Variants in NRG3 observed in about 807,000 individuals in gnomAD.
The protein encoded by NRG3 is neuregulin 3.
Under a neutral mutation model 66.9 loss-of-function variants are expected in NRG3, and 31 were observed. That is an observed-to-expected ratio of 0.46 (90% CI 0.35 to 0.63). The LOEUF is 0.63. NRG3 is among the 20% of genes least tolerant of loss of function. NRG3 has a pLI of 0.00. For synonymous variants in NRG3, 393 were observed against 359.4 expected (o/e 1.09, Z -1.06); for missense variants, 910 against 878.9 (o/e 1.04, Z -0.45).
chr10:82,368,252 C>A (rs1331998648), intron 2 of NRG3, among the ~76,000 whole-genome samples: 1 of 137,718 alleles, frequency 7.3e-6, no homozygotes, highest in Non-Finnish European at 1.5e-5. Context: ...GTACTTGTGT[C>A]AGAACTTCTT....
At chr10:82,892,705 A>G (rs1000141873) in intron 4 of NRG3, among the ~76,000 whole-genome samples, 2 of 150,618 alleles carry the variant, frequency 1.3e-5, no homozygotes, top group African/African-American at 4.9e-5. Flanking sequence ...ATAAATAAAT[A>G]AAAGTTAAAA....
At chr10:82,236,137 C>T (rs941963787) in intron 1 of NRG3, among the ~76,000 whole-genome samples, 9 of 151,532 alleles carry the variant, frequency 5.9e-5, no homozygotes, top group Non-Finnish European at 1.2e-4. Flanking sequence ...AATCCTAACT[C>T]TGTCATTTAT....
intron 1 of NRG3, among the ~76,000 whole-genome samples, chr10:82,073,317 A>G (rs2064910884): frequency 6.6e-6 from 1 of 152,170 alleles, no homozygotes; most frequent in East Asian, 1.9e-4. Context: ...GCAGCCAGAA[A>G]ATGACACAGC....
chr10:82,313,959 A>C (rs1402062948), intron 1 of NRG3, among the ~76,000 whole-genome samples: 1 of 152,172 alleles, frequency 6.6e-6, no homozygotes, highest in Non-Finnish European at 1.5e-5. Context: ...TCTTCTATTA[A>C]AAAAGAAGTG....
Position 82,021,310 on chromosome 10 carries a change from T to C in NRG3, c.823+145147T>C, listed in dbSNP as rs572354046. 2.2e-4 allele frequency among the ~76,000 whole-genome samples: 33 copies of C among 152,170 alleles called. No homozygotes were observed. The South Asian group carries it at 6.8e-3, about 32-fold the overall frequency. The stretch of plus-strand genomic sequence containing the variant: ...ACTCTATTGATTTTTAGGTACTTTT[T>C]ATCACATACTCCTACACTGCTGGAC... On this transcript the variant is annotated intron_variant, in intron 1 of 8. Coordinates refer to ENST00000372141, the MANE Select transcript of NRG3 (RefSeq NM_001010848.4).
At chr10:82,832,804 TTGTGTGTGTGTG>T (rs139438548) in intron 3 of NRG3, among the ~76,000 whole-genome samples, 235 of 148,008 alleles carry the variant, frequency 1.6e-3, no homozygotes, top group African/African-American at 5.5e-3. Context: ...ATGCATGTAA[TTGTGTGTGTGTG>T]TGTGTGTGTG....
At chr10:82,275,407 G>A (rs1589555485) in intron 1 of NRG3, among the ~76,000 whole-genome samples, 2 of 152,024 alleles carry the variant, frequency 1.3e-5, no homozygotes, top group East Asian at 1.9e-4. Flanking sequence ...TTTGATATTG[G>A]AATATGAATT....
At chr10:82,039,253 A>T (rs1342856101) in intron 1 of NRG3, among the ~76,000 whole-genome samples, 1 of 152,106 alleles carries the variant, frequency 6.6e-6, no homozygotes, top group African/African-American at 2.4e-5. Context: ...TCATGAAATG[A>T]TCCAACTTCC....
At chr10:82,725,942 T>C (rs2057573069) in intron 2 of NRG3, among the ~76,000 whole-genome samples, 1 of 152,162 alleles carries the variant, frequency 6.6e-6, no homozygotes, top group Admixed American at 6.5e-5. Flanking sequence ...CCAATGAGAC[T>C]GTATTTGGAG....
chr10:82,137,265 G>A (rs777471661), intron 1 of NRG3, among the ~76,000 whole-genome samples: 17 of 152,166 alleles, frequency 1.1e-4, no homozygotes, highest in Non-Finnish European at 2.1e-4. Context: ...TCAGGATTGC[G>A]CTTTTAGAAC....
intron 3 of NRG3, among the ~76,000 whole-genome samples, chr10:82,782,423 G>A (rs572153762): frequency 6.6e-6 from 1 of 152,106 alleles, no homozygotes; most frequent in South Asian, 2.1e-4. Flanking sequence ...CCAGCCTGTA[G>A]AACTGTAAGA....
intron 3 of NRG3, among the ~76,000 whole-genome samples, chr10:82,771,648 C>A (rs2059715803): frequency 6.6e-6 from 1 of 152,184 alleles, no homozygotes; most frequent in South Asian, 2.1e-4. Context: ...TCATTCAACA[C>A]TTACCAAAAT....
chr10:82,407,437 A>C (rs1389439314), intron 2 of NRG3, among the ~76,000 whole-genome samples: 1 of 152,170 alleles, frequency 6.6e-6, no homozygotes, highest in Admixed American at 6.5e-5. Flanking sequence ...TTCAAACCTC[A>C]ACTCTATCAC....
intron 2 of NRG3, among the ~76,000 whole-genome samples, chr10:82,617,471 A>G (rs1450284722): frequency 6.6e-6 from 1 of 152,120 alleles, no homozygotes; most frequent in Admixed American, 6.6e-5. Flanking sequence ...GTTTGTGAGG[A>G]AGGGGAAGGC....
At chr10:82,621,345 G>A (rs1234824352) in intron 2 of NRG3, among the ~76,000 whole-genome samples, 2 of 152,192 alleles carry the variant, frequency 1.3e-5, no homozygotes, top group Non-Finnish European at 2.9e-5. Flanking sequence ...GAGACAAACA[G>A]ACCTGGGGAA....
At chr10:82,709,352 G>T (rs561476200) in intron 2 of NRG3, among the ~76,000 whole-genome samples, 1 of 151,342 alleles carries the variant, frequency 6.6e-6, no homozygotes, top group Admixed American at 6.6e-5. Flanking sequence ...TGTTCCAGCA[G>T]CTGGTTTTTT....
chr10:82,092,498 A>T (rs2066084638), intron 1 of NRG3, among the ~76,000 whole-genome samples: 1 of 151,948 alleles, frequency 6.6e-6, no homozygotes, highest in South Asian at 2.1e-4. Context: ...CCCAATCTTC[A>T]GTCATCTGTC....
At chr10:82,782,729 C>T (rs1490651238) in intron 3 of NRG3, among the ~76,000 whole-genome samples, 2 of 151,984 alleles carry the variant, frequency 1.3e-5, no homozygotes, top group East Asian at 1.9e-4. Flanking sequence ...GCTTACCAAC[C>T]AAAAAGAGTC....
chr10:82,392,810 C>T (rs1389260170), intron 2 of NRG3, among the ~76,000 whole-genome samples: 2 of 152,012 alleles, frequency 1.3e-5, no homozygotes, highest in Non-Finnish European at 2.9e-5. Context: ...TGAATGGACT[C>T]CACACTGCAA....
Sources: gnomAD v4.1 joint callset for allele counts (sites outside exome capture counted in the v4.1 genomes callset) on GRCh38, gnomAD v4.1.1 for gene constraint, MANE v1.5 for transcripts, NCBI Gene and HGNC (gene_info 2026-07-23, HGNC 2026-07-21) for gene names.